Variants in CERS4 observed in about 807,000 individuals in gnomAD.
CERS4 encodes the protein LAG1 homolog, ceramide synthase 4.
A neutral mutation model predicts 51.8 loss-of-function variants in CERS4; 65 were observed. The observed-to-expected ratio is 1.26, with a 90% CI of 1.03 to 1.54. The LOEUF (loss-of-function observed/expected upper bound fraction) is 1.54, where lower values mean the gene tolerates loss of function less well. CERS4 is among the 40% of genes most tolerant of loss of function. The pLI is 0.00. For missense variants in CERS4, 563 were observed against 500.4 expected (o/e 1.13, Z -1.19); for synonymous variants, 228 against 208.4 (o/e 1.09, Z -0.81).
intron 2 of CERS4, among the ~76,000 whole-genome samples, chr19:8,239,012 G>A (rs1384570217): frequency 2.0e-5 from 3 of 151,974 alleles, no homozygotes; most frequent in Non-Finnish European, 2.9e-5. Context: ...GAGGCGGGAG[G>A]ATCACTTAAG....
intron 2 of CERS4, among the ~76,000 whole-genome samples, chr19:8,236,680 T>TAAAAAAAA (rs59164781): frequency 2.5e-5 from 3 of 122,356 alleles, no homozygotes; most frequent in African/African-American, 3.4e-5. Context: ...CCCTGTCTTC[T>TAAAAAAAA]AAAAAAAAAA....
chr19:8,257,440 A>ATT (rs34718857), intron 9 of CERS4, among the ~76,000 whole-genome samples: 4 of 150,658 alleles, frequency 2.7e-5, no homozygotes, highest in African/African-American at 9.7e-5. Context: ...ATGTATTCAC[A>ATT]TTTTTTTTTT....
Position 8,251,158 on chromosome 19 carries a change from C to A in CERS4, c.82C>A (p.Arg28=), listed in dbSNP as rs986709202. 1.2e-6 allele frequency: 2 copies of A among 1,613,252 alleles called. No individual in the cohort carries two copies. The highest frequency in any genetic ancestry group is 1.3e-5 in the African/African-American group (1 of 74,914). The change falls in exon 3 of 12, where the codon CGG becomes AGG. Residue 28 remains arginine (R), a synonymous_variant. Coordinates refer to ENST00000251363, the MANE Select transcript of CERS4 (RefSeq NM_024552.3). ...TGTCACGTGGACAGAGCTAGAAGAC[C>A]GGGATGGCCGTGTCTACCCCCACCC... ...PNVTWTELED[R]DGRVYPHPQD...
intron 2 of CERS4, among the ~76,000 whole-genome samples, chr19:8,238,191 T>C (rs1458484408): frequency 6.6e-6 from 1 of 152,020 alleles, no homozygotes. Context: ...GATCTCACCC[T>C]GGCCTGACCA....
chr19:8,224,339 G>A (rs932839730), intron 2 of CERS4, among the ~76,000 whole-genome samples: 23 of 151,582 alleles, frequency 1.5e-4, no homozygotes, highest in Non-Finnish European at 2.6e-4. Context: ...CCTGGGAGGC[G>A]GAGATTGCGG....
At chr19:8,261,612 C>T (rs998274814) in intron 10 of CERS4, 76 bp from the exon 11 acceptor site, 31 of 1,552,294 alleles carry the variant, frequency 2.0e-5, no homozygotes, top group East Asian at 1.3e-4. Flanking sequence ...GAAGGCCATG[C>T]CAGTTAGAAA....
At position 8,254,419 on chromosome 19, in the gene CERS4, C is replaced by T; in HGVS notation, c.174-80C>T. 8 of 1,337,122 alleles carry T rather than the reference C, an allele frequency of 6.0e-6. No homozygotes were observed. The South Asian group carries it at 9.6e-5, about 16-fold the overall frequency. 82.8% of individuals were successfully genotyped at this position (1,337,122 alleles called of 1,614,324 possible). A position where few individuals can be genotyped will look rare whatever the true frequency, so the allele number is the denominator to read the frequency against. On this transcript the variant is annotated intron_variant, in intron 3 of 11. Transcript: ENST00000251363. ...GCCCCTCCGAGACTTGGTTATCCCA[C>T]CGGCAGCATGTCTGCCCCCACACAC...
At chr19:8,245,284 T>A (rs905899458) in intron 2 of CERS4, among the ~76,000 whole-genome samples, 13 of 152,040 alleles carry the variant, frequency 8.6e-5, no homozygotes, top group Admixed American at 8.5e-4. Flanking sequence ...CAGGTATCAC[T>A]CTGTCATTTA....
intron 2 of CERS4, among the ~76,000 whole-genome samples, chr19:8,234,165 G>A (rs1968136356): frequency 6.6e-6 from 1 of 152,178 alleles, no homozygotes; most frequent in Admixed American, 6.5e-5. Flanking sequence ...AATTAGCCGG[G>A]CATGGTGGCA....
intron 2 of CERS4, among the ~76,000 whole-genome samples, chr19:8,232,394 G>A (rs1304870618): frequency 6.6e-6 from 1 of 151,516 alleles, no homozygotes; most frequent in African/African-American, 2.4e-5. Flanking sequence ...AGGTTTAAGC[G>A]ATTCTCCTGC....
intron 2 of CERS4, among the ~76,000 whole-genome samples, chr19:8,215,983 C>A (rs1967284392): frequency 6.6e-6 from 1 of 152,152 alleles, no homozygotes; most frequent in Non-Finnish European, 1.5e-5. Context: ...TGCCTCAGGG[C>A]CTTTGCACTG....
At chr19:8,211,890 CAAAAA>C (rs57231018) in intron 2 of CERS4, among the ~76,000 whole-genome samples, 14 of 75,530 alleles carry the variant, frequency 1.9e-4, no homozygotes, top group African/African-American at 6.7e-4. Context: ...AGACTATCTC[CAAAAA>C]AAAAAAAAAA....
chr19:8,254,399 T>G, intron 3 of CERS4, 100 bp from the exon 4 acceptor site: 1 of 870,392 alleles, frequency 1.1e-6, no homozygotes, highest in Non-Finnish European at 1.7e-6. Flanking sequence ...ACTTTGCCCC[T>G]CCGAGACTTG....
chr19:8,221,317 C>T (rs549737343), intron 2 of CERS4, among the ~76,000 whole-genome samples: 1 of 152,122 alleles, frequency 6.6e-6, no homozygotes, highest in South Asian at 2.1e-4. Context: ...GGTAACCTCC[C>T]CTTGAATCTG....
At position 8,257,082 on chromosome 19, in the gene CERS4, G is replaced by A; in HGVS notation, c.741+5G>A. The A allele has an allele frequency of 1.9e-6, 3 of 1,591,506 alleles. No homozygotes were observed. Among genetic ancestry groups the A allele is most frequent in the Non-Finnish European group, 2.6e-6 (3 of 1,166,996 alleles). On this transcript the variant is annotated splice_donor_5th_base_variant and intron_variant, in intron 9 of 11. Transcript: ENST00000251363. ...TCCTCTGACTACCTGCTGGAGGTGG[G>A]CCCGACCCCTGCCTGACCCTTCCCA... is the stretch of plus-strand genomic sequence containing the variant.
intron 2 of CERS4, among the ~76,000 whole-genome samples, chr19:8,233,685 TA>T (rs1269050205): frequency 6.6e-6 from 1 of 151,994 alleles, no homozygotes; most frequent in Non-Finnish European, 1.5e-5. Flanking sequence ...CTCCACCCCA[TA>T]CCTCCTTTAG....
intron 2 of CERS4, among the ~76,000 whole-genome samples, chr19:8,244,176 A>C (rs916817070): frequency 6.6e-6 from 1 of 152,222 alleles, no homozygotes; most frequent in Non-Finnish European, 1.5e-5. Context: ...TGGAGGGTGC[A>C]GGCAGCCTCT....
intron 2 of CERS4, among the ~76,000 whole-genome samples, chr19:8,223,634 A>G (rs1031849968): frequency 4.6e-5 from 7 of 151,660 alleles, no homozygotes; most frequent in Non-Finnish European, 8.8e-5. Context: ...AACAAAGACA[A>G]AATTAGCCGG....
At chr19:8,245,872 T>A in intron 2 of CERS4, among the ~76,000 whole-genome samples, 1 of 108,668 alleles carries the variant, frequency 9.2e-6, no homozygotes, top group Non-Finnish European at 1.8e-5. Context: ...AAGGTTATCA[T>A]GAAGAACTGA....
Sources: allele counts gnomAD v4.1 joint callset (sites outside exome capture counted in the v4.1 genomes callset), GRCh38; gene constraint gnomAD v4.1.1; transcripts MANE v1.5; gene names NCBI Gene and HGNC (gene_info 2026-07-23, HGNC 2026-07-21).